Variants in INPP4B observed in about 807,000 individuals in gnomAD.
The protein encoded by INPP4B is inositol polyphosphate-4-phosphatase type II B.
Under a neutral mutation model 122.5 loss-of-function variants are expected in INPP4B, and 55 were observed. The observed-to-expected ratio is 0.45, with a 90% confidence interval of 0.36 to 0.56. The LOEUF (loss-of-function observed/expected upper bound fraction) is 0.56. Ranked by LOEUF, INPP4B falls within the 20% of genes least tolerant of loss-of-function variation. The pLI, the probability that INPP4B is intolerant of heterozygous loss-of-function variation, is 0.00. For missense variants in INPP4B, 1,000 were observed against 1,097.7 expected (o/e 0.91, Z 1.26); for synonymous variants, 403 against 388.7 (o/e 1.04, Z -0.43).
chr4:142,714,617 T>C (rs2150810286), intron 2 of INPP4B, among the ~76,000 whole-genome samples: 1 of 152,348 alleles, frequency 6.6e-6, no homozygotes, highest in Non-Finnish European at 1.5e-5. Context: ...TTTTCTCTTT[T>C]ATAGCTTGCA....
At chr4:142,747,860 G>A (rs1276883677) in intron 1 of INPP4B, among the ~76,000 whole-genome samples, 1 of 142,448 alleles carries the variant, frequency 7.0e-6, no homozygotes, top group Non-Finnish European at 1.6e-5. Context: ...TCACATACCA[G>A]GGCCTGTCAA....
chr4:142,255,517 A>C (rs1178403432), intron 11 of INPP4B, among the ~76,000 whole-genome samples: 21 of 152,188 alleles, frequency 1.4e-4, no homozygotes, highest in Admixed American at 2.0e-4. Flanking sequence ...AAGATCTACC[A>C]AGCAAATGGA....
At chr4:142,543,610 C>G (rs1169147163) in intron 2 of INPP4B, among the ~76,000 whole-genome samples, 1 of 152,088 alleles carries the variant, frequency 6.6e-6, no homozygotes, top group Non-Finnish European at 1.5e-5. Flanking sequence ...AAAAATCCTT[C>G]TAATGACGTT....
intron 7 of INPP4B, among the ~76,000 whole-genome samples, chr4:142,390,173 T>G (rs922804930): frequency 2.0e-5 from 3 of 152,186 alleles, no homozygotes; most frequent in African/African-American, 7.2e-5. Flanking sequence ...CTATAAGGTT[T>G]TATTAAAAAT....
At chr4:142,439,738 T>C (rs1290140971) in intron 3 of INPP4B, among the ~76,000 whole-genome samples, 3 of 152,228 alleles carry the variant, frequency 2.0e-5, no homozygotes, top group South Asian at 2.1e-4. Context: ...GAGCCAGTTA[T>C]GGAGTTGAGT....
chr4:142,151,435 T>C (rs1813856486), intron 17 of INPP4B, among the ~76,000 whole-genome samples: 1 of 152,202 alleles, frequency 6.6e-6, no homozygotes. Flanking sequence ...TATGTAAAAA[T>C]ACCTGACCTT....
chr4:142,173,574 G>A, intron 16 of INPP4B, 58 bp downstream of exon 16: 2 of 1,469,464 alleles, frequency 1.4e-6, no homozygotes, highest in Non-Finnish European at 1.9e-6. Context: ...CAGAAAGCCA[G>A]ACCAATGGGA....
At chr4:142,196,563 C>A (rs1329120732) in intron 14 of INPP4B, among the ~76,000 whole-genome samples, 1 of 152,070 alleles carries the variant, frequency 6.6e-6, no homozygotes, top group African/African-American at 2.4e-5. Context: ...AAATTTAATT[C>A]TTTCTGTTCA....
chr4:142,438,795 C>G (rs905562996), intron 3 of INPP4B, among the ~76,000 whole-genome samples: 2 of 152,126 alleles, frequency 1.3e-5, no homozygotes, highest in Non-Finnish European at 2.9e-5. Flanking sequence ...TTTTTGCAAT[C>G]TACCCGTCGG....
At chr4:142,539,782 C>A (rs953771440) in intron 2 of INPP4B, among the ~76,000 whole-genome samples, 1 of 151,666 alleles carries the variant, frequency 6.6e-6, no homozygotes, top group Non-Finnish European at 1.5e-5. Flanking sequence ...TTCCTTGGGA[C>A]AAACAGGAAC....
At chr4:142,036,666 T>C (rs911365440) in intron 25 of INPP4B, among the ~76,000 whole-genome samples, 3 of 151,908 alleles carry the variant, frequency 2.0e-5, no homozygotes, top group African/African-American at 7.2e-5. Flanking sequence ...AAAAGGTTTT[T>C]GTTTTTGTTG....
At chr4:142,207,757 A>G (rs1406054659) in intron 14 of INPP4B, among the ~76,000 whole-genome samples, 1 of 152,210 alleles carries the variant, frequency 6.6e-6, no homozygotes, top group Admixed American at 6.6e-5. Context: ...TAATTGCTAT[A>G]GCAATAAGTT....
At position 142,029,338 on chromosome 4, in the gene INPP4B, C is replaced by CTATAGA. The variant is rs1192255417; in HGVS notation, c.2643-430_2643-425dup. The stretch of plus-strand genomic sequence containing the variant: ...GGCATTTAATTTATTAAGTCTGGCC[C>CTATAGA]TATAGATTTTTAAAGAAAAATTTCA... On this transcript the variant is annotated intron_variant, in intron 25 of 25. Transcript: ENST00000262992. The CTATAGA allele has an allele frequency of 7.1e-6, 7 of 984,402 alleles. No individual in the cohort carries two copies. In the African/African-American group the frequency reaches 1.2e-4, roughly 17 times the overall value. 61.0% of individuals were successfully genotyped at this position (984,402 alleles called of 1,614,324 possible). A position where few individuals can be genotyped will look rare whatever the true frequency, so the allele number is the denominator to read the frequency against.
chr4:142,334,434 T>G (rs955196848), intron 7 of INPP4B, among the ~76,000 whole-genome samples: 16 of 152,144 alleles, frequency 1.1e-4, no homozygotes, highest in African/African-American at 3.6e-4. Flanking sequence ...GAGATCTCCT[T>G]GAGATACTGA....
chr4:142,846,424 T>A (rs1042359262), upstream of INPP4B: 7 of 152,296 alleles, frequency 4.6e-5, no homozygotes, highest in African/African-American at 1.7e-4. This position sits in a 1 kb window ranked among gnomAD's most constrained non-coding sequence, Gnocchi z 5.1. Flanking sequence ...TTCGCGAGGC[T>A]CCAGCAGCTC....
intron 1 of INPP4B, among the ~76,000 whole-genome samples, chr4:142,827,835 T>G (rs1781628624): frequency 6.6e-6 from 1 of 152,208 alleles, no homozygotes; most frequent in Non-Finnish European, 1.5e-5. Context: ...CTAGATATTA[T>G]GCTAAACACT....
chr4:142,738,609 A>C (rs1325970946), intron 1 of INPP4B, among the ~76,000 whole-genome samples: 1 of 135,382 alleles, frequency 7.4e-6, no homozygotes, highest in East Asian at 2.1e-4. Context: ...AAAGTATAAT[A>C]AAAACAAAAA....
intron 1 of INPP4B, among the ~76,000 whole-genome samples, chr4:142,739,524 T>C (rs1488408423): frequency 1.3e-5 from 2 of 152,050 alleles, no homozygotes; most frequent in African/African-American, 4.8e-5. Context: ...TAGAGATTTA[T>C]ATTTCAGTAA....
chr4:142,506,858 T>C (rs73850896), intron 2 of INPP4B, among the ~76,000 whole-genome samples: 3,251 of 152,294 alleles, frequency 0.021, 115 homozygotes, highest in African/African-American at 0.073. Context: ...CTGTGATCTT[T>C]CTGAGATATT....
Sources: allele counts gnomAD v4.1 joint callset (sites outside exome capture counted in the v4.1 genomes callset), GRCh38; gene constraint gnomAD v4.1.1; non-coding constraint Gnocchi (gnomAD v3.1); transcripts MANE v1.5; gene names NCBI Gene and HGNC (gene_info 2026-07-23, HGNC 2026-07-21).